KLHL13: variants seen among roughly 807,000 people sequenced by gnomAD.
KLHL13 encodes the protein kelch-like protein 13.
In KLHL13, 10 loss-of-function variants were observed where a neutral mutation model predicts 37.1. The ratio of observed to expected loss-of-function variants is 0.27; its 90% CI spans 0.17 to 0.46. KLHL13 has a LOEUF of 0.46. KLHL13 is among the 20% of genes least tolerant of loss of function. The pLI is 1.00. For missense variants in KLHL13, 360 were observed against 509.3 expected (o/e 0.71, Z 2.82); for synonymous variants, 163 against 181.2 (o/e 0.90, Z 0.81).
intron 1 of KLHL13, among the ~76,000 whole-genome samples, chrX:117,969,489 G>A (rs1171313997): frequency 2.7e-5 from 3 of 111,493 alleles, no homozygotes; most frequent in Non-Finnish European, 5.7e-5. Flanking sequence ...CTTTACTAAT[G>A]CAGTTTACAC....
chrX:118,073,337 T>C (rs2148118514), intron 1 of KLHL13, among the ~76,000 whole-genome samples: 1 of 110,967 alleles, frequency 9.0e-6, no homozygotes, highest in East Asian at 2.9e-4. Context: ...AAAGAGAGCT[T>C]GTGCAGGGAA....
intron 2 of KLHL13, among the ~76,000 whole-genome samples, chrX:117,939,927 C>A (rs934916641): frequency 1.8e-5 from 2 of 111,618 alleles, no homozygotes; most frequent in Non-Finnish European, 3.8e-5. Context: ...TTTTGGTGTG[C>A]AGAAGCTCTT....
At chrX:118,108,960 C>G (rs2055376479) in intron 1 of KLHL13, among the ~76,000 whole-genome samples, 1 of 111,501 alleles carries the variant, frequency 9.0e-6, no homozygotes, top group African/African-American at 3.3e-5. Flanking sequence ...GCGTGTGCCT[C>G]CATGCCCAGC....
chrX:117,927,726 C>T (rs1932158566), intron 2 of KLHL13, among the ~76,000 whole-genome samples: 1 of 111,673 alleles, frequency 9.0e-6, no homozygotes, highest in African/African-American at 3.3e-5. Flanking sequence ...GAAACCAGCC[C>T]CAAAAGCTTA....
intron 1 of KLHL13, among the ~76,000 whole-genome samples, chrX:118,026,041 C>T (rs2054271895): frequency 9.0e-6 from 1 of 111,433 alleles, no homozygotes; most frequent in Non-Finnish European, 1.9e-5. Flanking sequence ...TAAAGGGGGA[C>T]TACTGTATAC....
intron 5 of KLHL13, 106 bp downstream of exon 6, chrX:117,909,195 C>A: frequency 2.9e-6 from 2 of 678,635 alleles, no homozygotes; most frequent in Non-Finnish European, 4.3e-6. Context: ...TAAAATAAAA[C>A]CCTAACTACA....
chrX:118,020,336 T>C (rs944718764), intron 1 of KLHL13, among the ~76,000 whole-genome samples: 1 of 111,829 alleles, frequency 8.9e-6, no homozygotes, highest in African/African-American at 3.3e-5. Flanking sequence ...TTTTTGTACA[T>C]TGATTTTGTA....
At chrX:118,106,657 C>T (rs774210635) in intron 1 of KLHL13, among the ~76,000 whole-genome samples, 2 of 111,587 alleles carry the variant, frequency 1.8e-5, no homozygotes, top group African/African-American at 6.5e-5. Context: ...GGTCTTTTCC[C>T]TTCTGTGCAC....
At chrX:117,992,952 T>C (rs1223484092) in intron 1 of KLHL13, among the ~76,000 whole-genome samples, 2 of 112,102 alleles carry the variant, frequency 1.8e-5, no homozygotes, top group Non-Finnish European at 3.8e-5. Context: ...GGGTGGAAGT[T>C]CAAAACTAAG....
At chrX:117,975,006 C>T (rs1330035729), upstream of KLHL13, among the ~76,000 whole-genome samples, 1 of 111,268 alleles carries the variant, frequency 9.0e-6, no homozygotes, top group Non-Finnish European at 1.9e-5. Context: ...GCGCTAGTGG[C>T]CAAAATATAT....
At chrX:118,098,653 T>C (rs1240669464) in intron 1 of KLHL13, among the ~76,000 whole-genome samples, 1 of 106,096 alleles carries the variant, frequency 9.4e-6, no homozygotes, top group East Asian at 3.0e-4. Context: ...CTATTCACAA[T>C]AGCAAAGACT....
At chrX:117,945,163 T>C (rs1051760002) in intron 2 of KLHL13, among the ~76,000 whole-genome samples, 11 of 111,899 alleles carry the variant, frequency 9.8e-5, no homozygotes, top group Admixed American at 2.9e-4. Flanking sequence ...AAATTGATTC[T>C]GAGGATTTTT....
At chrX:117,919,643 C>A in exon 4 of KLHL13, 1 of 1,208,261 alleles carries the variant, frequency 8.3e-7, no homozygotes, top group South Asian at 1.8e-5. Context: ...TAAATGAAAT[C>A]AATAATTTTC....
At chrX:118,100,487 T>C (rs1254250075) in intron 1 of KLHL13, among the ~76,000 whole-genome samples, 1 of 111,888 alleles carries the variant, frequency 8.9e-6, no homozygotes, top group Non-Finnish European at 1.9e-5. Flanking sequence ...ATTGATAGTA[T>C]ATCATGTTTT....
intron 1 of KLHL13, among the ~76,000 whole-genome samples, chrX:118,021,885 C>T (rs1172597363): frequency 9.0e-6 from 1 of 111,657 alleles, no homozygotes; most frequent in African/African-American, 3.3e-5. Context: ...TTCTCCACAT[C>T]CTCTCCAGCA....
At chrX:118,110,469 C>G (rs1299275227) in intron 1 of KLHL13, among the ~76,000 whole-genome samples, 1 of 103,830 alleles carries the variant, frequency 9.6e-6, no homozygotes, top group Non-Finnish European at 2.0e-5. Context: ...ACCTCCAACT[C>G]CCTGTCTCAA....
At chrX:118,040,033 C>T (rs762214974) in intron 1 of KLHL13, among the ~76,000 whole-genome samples, 32 of 111,562 alleles carry the variant, frequency 2.9e-4, no homozygotes, top group Non-Finnish European at 3.8e-4. Flanking sequence ...CACAGCGTTA[C>T]GAGGTTTGAG....
chrX:118,108,562 C>T (rs2055371191), intron 1 of KLHL13, among the ~76,000 whole-genome samples: 1 of 112,458 alleles, frequency 8.9e-6, no homozygotes, highest in South Asian at 3.7e-4. Flanking sequence ...CTTTTATCAA[C>T]CTCAAAGCAC....
intron 1 of KLHL13, among the ~76,000 whole-genome samples, chrX:118,091,728 CA>C (rs773634570): frequency 9.0e-6 from 1 of 110,797 alleles, no homozygotes; most frequent in African/African-American, 3.3e-5. Context: ...AAAAAGTACT[CA>C]AAGAGATAAG....
Sources: allele counts gnomAD v4.1 joint callset (sites outside exome capture counted in the v4.1 genomes callset), GRCh38; gene constraint gnomAD v4.1.1; transcripts MANE v1.5; gene names NCBI Gene and HGNC (gene_info 2026-07-23, HGNC 2026-07-21).